Variants in VTCN1 observed in about 807,000 individuals in gnomAD.
VTCN1 encodes V-set domain-containing T-cell activation inhibitor 1.
VTCN1 carries 26 observed loss-of-function variants against 26.5 expected under a neutral mutation model. The observed-to-expected ratio is 0.98, with a 90% confidence interval of 0.72 to 1.36. The LOEUF (loss-of-function observed/expected upper bound fraction) is 1.36. Among genes scored for constraint, VTCN1 ranks in the 40% most tolerant of loss-of-function variants. VTCN1 has a pLI of 0.00. For missense variants in VTCN1, 298 were observed against 337.7 expected (o/e 0.88, Z 0.92); for synonymous variants, 116 against 130.7 (o/e 0.89, Z 0.77).
At chr1:117,192,087 T>A (rs1305954316) in intron 1 of VTCN1, among the ~76,000 whole-genome samples, 1 of 151,784 alleles carries the variant, frequency 6.6e-6, no homozygotes, top group Admixed American at 6.6e-5. Context: ...AGAATATTAC[T>A]CCAAGACACA....
intron 2 of VTCN1, 98 bp downstream of exon 2, chr1:117,170,009 G>A: frequency 1.7e-6 from 2 of 1,175,660 alleles, no homozygotes; most frequent in Non-Finnish European, 2.5e-6. Context: ...AGGTTTTCTG[G>A]GTCAAAGCTC....
At position 117,147,736 on chromosome 1, in the gene VTCN1, C is replaced by CT. The variant is rs755752925; in HGVS notation, c.770dup (p.Ala258GlyfsTer54). 6.2e-7 allele frequency: 1 copy of CT among 1,614,024 alleles called. No individual in the cohort carries two copies. The highest frequency in any genetic ancestry group is 1.1e-5 in the South Asian group (1 of 91,070). ...AGAAAGAAGAGACACACAGAGAAGCCTTTGAGTTTAGCAGCTGTAGGTGAC... is the reference window on the plus strand; with the variant it reads ...AGAAAGAAGAGACACACAGAGAAGCCTTTTGAGTTTAGCAGCTGTAGGTGAC... On this transcript the variant is annotated frameshift_variant, in exon 5 of 6. Coordinates refer to ENST00000369458, the MANE Select transcript of VTCN1 (RefSeq NM_024626.4). LOFTEE classifies it high-confidence loss of function. This position sits in a 1 kb window ranked among gnomAD's most constrained non-coding sequence, Gnocchi z 4.6.
chr1:117,200,689 C>T (rs551467284), intron 1 of VTCN1, among the ~76,000 whole-genome samples: 1 of 152,306 alleles, frequency 6.6e-6, no homozygotes, highest in South Asian at 2.1e-4. Context: ...CAGGATCTTA[C>T]AGCAACACTA....
intron 2 of VTCN1, among the ~76,000 whole-genome samples, chr1:117,164,375 C>T (rs562109277): frequency 1.3e-5 from 2 of 151,584 alleles, no homozygotes; most frequent in South Asian, 4.2e-4. Context: ...GTTGCGGGGG[C>T]GATACGGGAC....
Position 117,145,986 on chromosome 1 carries a change from G to A in VTCN1, c.*46-761C>T, listed in dbSNP as rs1054071314. The stretch of plus-strand genomic sequence containing the variant: ...TGATTTATGGTTATTCCTCTATGGT[G>A]CCAGGGAGAAAGAGGTGGACTGCAG... On this transcript the variant is annotated intron_variant, in intron 5 of 5. Coordinates refer to ENST00000369458, the MANE Select transcript of VTCN1 (RefSeq NM_024626.4). The surrounding 1 kb of genome is among the most constrained non-coding windows in gnomAD (Gnocchi z 4.6). Among the ~76,000 whole-genome samples the A allele has an allele frequency of 6.6e-6, 1 of 152,202 alleles. No homozygotes were observed. The highest frequency in any genetic ancestry group is 1.5e-5 in the Non-Finnish European group (1 of 68,034).
chr1:117,185,016 C>T (rs1647866712), intron 1 of VTCN1, among the ~76,000 whole-genome samples: 1 of 152,132 alleles, frequency 6.6e-6, no homozygotes, highest in South Asian at 2.1e-4. Flanking sequence ...ATGCTGGTAC[C>T]TCTAATGCTG....
Position 117,198,725 on chromosome 1 carries a change from CAAT to C in VTCN1, c.32+12096_32+12098del, listed in dbSNP as rs147869136. Among the ~76,000 whole-genome samples, 577 of 152,270 alleles carry C rather than the reference CAAT, an allele frequency of 3.8e-3. 3 individuals are homozygous for C. Among genetic ancestry groups the C allele is most frequent in the African/African-American group, 0.013 (545 of 41,568 alleles). On this transcript the variant is annotated intron_variant, in intron 1 of 5. Coordinates refer to ENST00000369458, the MANE Select transcript of VTCN1 (RefSeq NM_024626.4). Reference sequence around the variant, plus strand: ...AAAGATAAAGTAATTAAAATTATAACAATGAGACGGCAGTCAAAACAATACCCA... The same window carrying C: ...AAAGATAAAGTAATTAAAATTATAACGAGACGGCAGTCAAAACAATACCCA...
At chr1:117,190,783 C>T (rs1247133485) in intron 1 of VTCN1, among the ~76,000 whole-genome samples, 1 of 152,170 alleles carries the variant, frequency 6.6e-6, no homozygotes, top group Non-Finnish European at 1.5e-5. Context: ...TCCTTACCTG[C>T]CAAAACCAAT....
At chr1:117,153,428 G>A (rs1651905801) in intron 3 of VTCN1, 59 bp from the exon 4 acceptor site, 3 of 1,508,158 alleles carry the variant, frequency 2.0e-6, no homozygotes, top group South Asian at 1.3e-5. Flanking sequence ...AGACAATATA[G>A]CCTTTGAAGC....
chr1:117,180,642 G>A (rs758477623), intron 1 of VTCN1, among the ~76,000 whole-genome samples: 1 of 152,238 alleles, frequency 6.6e-6, no homozygotes, highest in Non-Finnish European at 1.5e-5. Context: ...CCAAAGTGGA[G>A]GTTAAGAGAG....
intron 1 of VTCN1, among the ~76,000 whole-genome samples, chr1:117,191,028 A>G (rs1417687298): frequency 6.6e-6 from 1 of 152,232 alleles, no homozygotes; most frequent in East Asian, 1.9e-4. Context: ...AACAAAAATC[A>G]GAAAAACAGT....
At chr1:117,195,900 T>C (rs913563766) in intron 1 of VTCN1, among the ~76,000 whole-genome samples, 6 of 152,134 alleles carry the variant, frequency 3.9e-5, no homozygotes, top group Non-Finnish European at 5.9e-5. Context: ...CCTGTAATCC[T>C]AGCACTTTAG....
chr1:117,149,966 C>G lies in VTCN1; in HGVS notation c.725-2184G>C, dbSNP rs545256809. On this transcript the variant is annotated intron_variant, in intron 4 of 5. Coordinates refer to ENST00000369458, the MANE Select transcript of VTCN1 (RefSeq NM_024626.4). ...GTATCCAACAAACATGTAAAGAAGA[C>G]AGATCTGTTAATTGAATAAAAGGTG... Among the ~76,000 whole-genome samples, 32 of 152,310 alleles carry G rather than the reference C, an allele frequency of 2.1e-4. No homozygotes were observed. In the East Asian group the frequency reaches 3.5e-3, roughly 17 times the overall value.
chr1:117,187,465 T>A (rs1171712867), intron 1 of VTCN1, among the ~76,000 whole-genome samples: 1 of 152,160 alleles, frequency 6.6e-6, no homozygotes, highest in Non-Finnish European at 1.5e-5. Context: ...ACATACAGGA[T>A]CCTGTCAGTG....
intron 3 of VTCN1, among the ~76,000 whole-genome samples, chr1:117,154,615 C>G (rs1651971081): frequency 6.6e-6 from 1 of 151,838 alleles, no homozygotes; most frequent in Non-Finnish European, 1.5e-5. Context: ...GAAACCCAGT[C>G]TCTACTAAAA....
intron 1 of VTCN1, among the ~76,000 whole-genome samples, chr1:117,174,390 C>G (rs1653086857): frequency 6.6e-6 from 1 of 152,198 alleles, no homozygotes; most frequent in Non-Finnish European, 1.5e-5. Flanking sequence ...TCCCTGCCCT[C>G]AAGAAGCTTA....
chr1:117,181,052 A>G (rs935606960), intron 1 of VTCN1, among the ~76,000 whole-genome samples: 5 of 152,380 alleles, frequency 3.3e-5, no homozygotes, highest in East Asian at 1.9e-4. Context: ...CCACAGGGCT[A>G]TCGTGAGGGT....
chr1:117,194,650 A>G (rs766878429), intron 1 of VTCN1, among the ~76,000 whole-genome samples: 2 of 152,234 alleles, frequency 1.3e-5, no homozygotes, highest in Non-Finnish European at 2.9e-5. Flanking sequence ...TGACAAAGAA[A>G]TTGTGTCCCA....
intron 2 of VTCN1, among the ~76,000 whole-genome samples, chr1:117,168,933 G>A (rs1652755581): frequency 6.6e-6 from 1 of 152,114 alleles, no homozygotes; most frequent in Admixed American, 6.6e-5. Flanking sequence ...AGTGGGGAAG[G>A]GATGAATGTC....
Sources: allele counts gnomAD v4.1 joint callset (sites outside exome capture counted in the v4.1 genomes callset), GRCh38; gene constraint gnomAD v4.1.1; non-coding constraint Gnocchi (gnomAD v3.1); transcripts MANE v1.5; gene names NCBI Gene and HGNC (gene_info 2026-07-23, HGNC 2026-07-21).